The following PPP1R9A variants were observed in gnomAD, a reference collection of about 807,000 sequenced individuals.
PPP1R9A encodes neurabin-1.
A neutral mutation model predicts 141.9 loss-of-function variants in PPP1R9A; 59 were observed. The ratio of observed to expected loss-of-function variants is 0.42; its 90% CI spans 0.34 to 0.52. The LOEUF (loss-of-function observed/expected upper bound fraction) is 0.52, where lower values mean the gene tolerates loss of function less well. PPP1R9A is among the 20% of genes least tolerant of loss of function. The probability of loss-of-function intolerance (pLI) is 0.10; values close to 1 mark genes in which losing one functional copy is unlikely to be tolerated. For synonymous variants in PPP1R9A, 500 were observed against 569.7 expected (o/e 0.88, Z 1.74); for missense variants, 1,444 against 1,611.9 (o/e 0.90, Z 1.78).
intron 4 of PPP1R9A, among the ~76,000 whole-genome samples, chr7:95,146,884 G>C (rs1302978187): frequency 6.6e-6 from 1 of 152,176 alleles, no homozygotes; most frequent in African/African-American, 2.4e-5. Flanking sequence ...GTATCTTGCT[G>C]TTTTGGTTAC....
chr7:95,275,714 A>G (rs907438087), intron 16 of PPP1R9A, among the ~76,000 whole-genome samples: 10 of 152,220 alleles, frequency 6.6e-5, no homozygotes, highest in African/African-American at 2.2e-4. Context: ...TCTCCACTTC[A>G]TGGGTTGTCC....
chr7:95,262,653 A>G (rs931049883), intron 12 of PPP1R9A, among the ~76,000 whole-genome samples: 2 of 152,244 alleles, frequency 1.3e-5, no homozygotes, highest in Middle Eastern at 6.8e-3. Flanking sequence ...TCATAAACTG[A>G]AGAAGGGTAT....
intron 2 of PPP1R9A, among the ~76,000 whole-genome samples, chr7:95,090,613 GC>G (rs1488697957): frequency 2.3e-4 from 35 of 152,010 alleles, no homozygotes; most frequent in Admixed American, 1.3e-3. Flanking sequence ...TTTCTGACCA[GC>G]CTGGTCAACA....
At chr7:95,137,693 CTTG>C (rs1424264682) in intron 4 of PPP1R9A, among the ~76,000 whole-genome samples, 3 of 151,966 alleles carry the variant, frequency 2.0e-5, no homozygotes, top group Non-Finnish European at 4.4e-5. Flanking sequence ...TTTTGTTGTT[CTTG>C]TTGTTTTTGG....
intron 2 of PPP1R9A, among the ~76,000 whole-genome samples, chr7:95,063,219 A>G (rs929610907): frequency 2.6e-5 from 4 of 152,194 alleles, no homozygotes; most frequent in Non-Finnish European, 2.9e-5. Context: ...AGAATGTTTC[A>G]TGTCACAAAC....
intron 7 of PPP1R9A, among the ~76,000 whole-genome samples, chr7:95,205,653 A>T (rs1384529412): frequency 6.6e-6 from 1 of 152,152 alleles, no homozygotes; most frequent in Non-Finnish European, 1.5e-5. Flanking sequence ...TATGGTGTCT[A>T]GTACACTGAC....
intron 7 of PPP1R9A, among the ~76,000 whole-genome samples, chr7:95,224,640 G>T (rs962542195): frequency 2.6e-5 from 4 of 152,072 alleles, no homozygotes; most frequent in African/African-American, 9.6e-5. Context: ...ATTTAATAAT[G>T]GTCTTTCAGA....
chr7:94,984,925 AG>A (rs1800613096), intron 2 of PPP1R9A, among the ~76,000 whole-genome samples: 1 of 152,078 alleles, frequency 6.6e-6, no homozygotes, highest in South Asian at 2.1e-4. Context: ...TTGTGATGTT[AG>A]GGTGTCAATT....
intron 6 of PPP1R9A, 147 bp from the exon 7 acceptor site, chr7:95,203,518 T>G (rs1237110666): frequency 1.9e-6 from 1 of 516,980 alleles, no homozygotes. Context: ...TGTGGGCATT[T>G]TTTACCAACA....
intron 2 of PPP1R9A, chr7:95,108,781 A>T (rs528853336): frequency 2.6e-5 from 4 of 152,254 alleles, no homozygotes; most frequent in Non-Finnish European, 5.9e-5. Flanking sequence ...TGAAAAAAAA[A>T]ATGTTGGGAA....
chr7:95,010,701 C>T (rs570676176), intron 2 of PPP1R9A, among the ~76,000 whole-genome samples: 12 of 151,938 alleles, frequency 7.9e-5, no homozygotes, highest in African/African-American at 2.9e-4. Context: ...TTGCCTTCAC[C>T]TTTAGTTTAC....
chr7:95,107,108 C>A (rs1452325936), intron 2 of PPP1R9A, among the ~76,000 whole-genome samples: 8 of 151,978 alleles, frequency 5.3e-5, no homozygotes, highest in Admixed American at 6.6e-5. Context: ...TAAAAAAAAT[C>A]TATTCTTATG....
chr7:95,022,101 T>C (rs1463894191), intron 2 of PPP1R9A, among the ~76,000 whole-genome samples: 1 of 152,228 alleles, frequency 6.6e-6, no homozygotes, highest in Non-Finnish European at 1.5e-5. Flanking sequence ...TTCCTATCCA[T>C]GAGCATGGAA....
intron 5 of PPP1R9A, among the ~76,000 whole-genome samples, chr7:95,177,920 C>T (rs1833142346): frequency 6.6e-6 from 1 of 152,052 alleles, no homozygotes; most frequent in Non-Finnish European, 1.5e-5. Flanking sequence ...AGATAGACAA[C>T]AACACAGTAA....
At chr7:95,009,580 C>T (rs1804123165) in intron 2 of PPP1R9A, among the ~76,000 whole-genome samples, 1 of 152,148 alleles carries the variant, frequency 6.6e-6, no homozygotes, top group Non-Finnish European at 1.5e-5. Context: ...TGGACCCTTA[C>T]AAGTGCTCCT....
At chr7:95,068,774 A>G (rs1813344191) in intron 2 of PPP1R9A, among the ~76,000 whole-genome samples, 1 of 152,134 alleles carries the variant, frequency 6.6e-6, no homozygotes, top group South Asian at 2.1e-4. Flanking sequence ...TGGTCTACAC[A>G]CTTGAGTGGA....
At position 95,152,178 on chromosome 7, in the gene PPP1R9A, T is replaced by C. The variant is rs570426568; in HGVS notation, c.1650-9689T>C. Among the ~76,000 whole-genome samples the C allele has an allele frequency of 3.9e-5, 6 of 151,998 alleles. 1 individual carries two copies. The highest frequency in any genetic ancestry group is 1.4e-4 in the African/African-American group (6 of 41,502). ...TGTTGGCCAGGATGGTCTCCATCTC[T>C]TGACCTCGTGATCCACCCGCCTTGG... On this transcript the variant is annotated intron_variant, in intron 4 of 19. Transcript: ENST00000433360.
chr7:95,286,083 A>G (rs1357629145), intron 17 of PPP1R9A, 123 bp from the exon 18 acceptor site: 2 of 1,453,000 alleles, frequency 1.4e-6, no homozygotes, highest in Admixed American at 4.4e-5. Context: ...GAAGGTCATC[A>G]CCAAATCATA....
intron 2 of PPP1R9A, among the ~76,000 whole-genome samples, chr7:94,960,632 A>G (rs1315499275): frequency 1.3e-5 from 2 of 151,742 alleles, no homozygotes; most frequent in Non-Finnish European, 1.5e-5. Flanking sequence ...ACCCCCAGGT[A>G]AGTAATATTA....
Sources: allele counts gnomAD v4.1 joint callset (sites outside exome capture counted in the v4.1 genomes callset), GRCh38; gene constraint gnomAD v4.1.1; transcripts MANE v1.5; gene names NCBI Gene and HGNC (gene_info 2026-07-23, HGNC 2026-07-21).